The following ATXN1 variants were observed in gnomAD, a reference collection of about 807,000 sequenced individuals.
The protein encoded by ATXN1 is ataxin-1.
A neutral mutation model predicts 56.4 loss-of-function variants in ATXN1; 8 were observed. That is an observed-to-expected ratio of 0.14 (90% confidence interval 0.08 to 0.26). The LOEUF (loss-of-function observed/expected upper bound fraction) is 0.26. Ranked by LOEUF, ATXN1 falls within the 10% of genes least tolerant of loss-of-function variation. The pLI is 1.00. For missense variants in ATXN1, 987 were observed against 1,106.5 expected (o/e 0.89, Z 1.53); for synonymous variants, 514 against 494.6 (o/e 1.04, Z -0.52).
At chr6:16,533,822 C>CT (rs1367201615) in intron 4 of ATXN1, among the ~76,000 whole-genome samples, 1 of 152,124 alleles carries the variant, frequency 6.6e-6, no homozygotes, top group African/African-American at 2.4e-5. Context: ...CGGCATAACA[C>CT]TTAACACCAT....
chr6:16,395,624 A>G (rs1758439662), intron 6 of ATXN1, among the ~76,000 whole-genome samples: 1 of 152,224 alleles, frequency 6.6e-6, no homozygotes, highest in Non-Finnish European at 1.5e-5. Context: ...ACAGTACATA[A>G]TAGTTGATAG....
chr6:16,345,560 G>A (rs983066521), intron 6 of ATXN1, among the ~76,000 whole-genome samples: 1 of 152,160 alleles, frequency 6.6e-6, no homozygotes, highest in Admixed American at 6.5e-5. Context: ...TTTAAAATTA[G>A]GGGTATGACT....
At chr6:16,676,165 G>A (rs1321490989) in intron 2 of ATXN1, among the ~76,000 whole-genome samples, 2 of 151,882 alleles carry the variant, frequency 1.3e-5, no homozygotes, top group East Asian at 3.8e-4. Context: ...TTTGCAATTC[G>A]ATGAAAAAAA....
chr6:16,631,589 C>A (rs1195795220), intron 3 of ATXN1, among the ~76,000 whole-genome samples: 1 of 152,190 alleles, frequency 6.6e-6, no homozygotes, highest in Non-Finnish European at 1.5e-5. Context: ...GAAATAAAGT[C>A]TCCAGGATAC....
intron 6 of ATXN1, among the ~76,000 whole-genome samples, chr6:16,381,067 G>A (rs978814876): frequency 6.6e-6 from 1 of 152,132 alleles, no homozygotes; most frequent in African/African-American, 2.4e-5. Flanking sequence ...CGAGGCAGGC[G>A]GATCATGAGG....
rs1170584415 is a variant in ATXN1 at position 16,327,088 on chromosome 6, G to C, written c.1223C>G (p.Ser408Cys). The change falls in exon 7 of 8, where the codon TCT (serine) becomes TGT (cysteine). Residue 408 changes from serine (S) to cysteine (C), a missense_variant. By Grantham distance (112) the Ser-to-Cys change is moderately radical. This residue lies in a region of ATXN1 where 723 missense variants were observed against 791.7 expected (regional missense o/e 0.91). Transcript: ENST00000436367. ...QQATHREASPSTLNDKSGLHL... is the reference protein window; with the variant it reads ...QQATHREASPCTLNDKSGLHL... ...CAGGCCACTTTTGTCGTTGAGGGTA[G>C]AAGGGGAGGCTTCACGATGAGTGGC... 3 of 1,613,744 alleles carry C rather than the reference G, an allele frequency of 1.9e-6. No individual in the cohort carries two copies. In the African/African-American group the frequency reaches 4.0e-5, roughly 22 times the overall value.
intron 4 of ATXN1, among the ~76,000 whole-genome samples, chr6:16,541,366 C>T (rs1311931210): frequency 6.6e-6 from 1 of 152,222 alleles, no homozygotes; most frequent in Non-Finnish European, 1.5e-5. Flanking sequence ...TCCTTCCACC[C>T]CAGCAGAGGG....
chr6:16,396,279 T>A (rs568770840), intron 6 of ATXN1, among the ~76,000 whole-genome samples: 1 of 152,020 alleles, frequency 6.6e-6, no homozygotes, highest in East Asian at 1.9e-4. Context: ...AAACTTTTTT[T>A]AATAAGAAAA....
At chr6:16,438,419 T>G (rs78399351) in intron 6 of ATXN1, among the ~76,000 whole-genome samples, 5,249 of 152,332 alleles carry the variant, frequency 0.034, 177 homozygotes, top group East Asian at 0.14. Flanking sequence ...TTACAACACA[T>G]AATAGGACAC....
intron 6 of ATXN1, among the ~76,000 whole-genome samples, chr6:16,331,660 C>T (rs991356211): frequency 6.6e-6 from 1 of 152,162 alleles, no homozygotes; most frequent in Non-Finnish European, 1.5e-5. Context: ...CAAGGCAGCA[C>T]TAGGGAAGAA....
intron 6 of ATXN1, among the ~76,000 whole-genome samples, chr6:16,390,680 T>TACACACACACACACACACACACA (rs60238072): frequency 9.5e-5 from 14 of 147,260 alleles, no homozygotes; most frequent in African/African-American, 3.5e-4. Flanking sequence ...AATAAACACA[T>TACACACACACACACACACACACA]CACACACACA....
chr6:16,367,999 T>C (rs191468771), intron 6 of ATXN1, among the ~76,000 whole-genome samples: 38 of 152,068 alleles, frequency 2.5e-4, no homozygotes, highest in Admixed American at 1.6e-3. Flanking sequence ...AAACCCTGTC[T>C]CTACTAAAAA....
intron 2 of ATXN1, among the ~76,000 whole-genome samples, chr6:16,731,454 CTTTTTTTTTTTTTTTTT>C (rs71559655): frequency 3.7e-5 from 3 of 81,794 alleles, no homozygotes; most frequent in African/African-American, 1.2e-4. Context: ...TTTTTCTTTT[CTTTTTTTTTTTTTTTTT>C]TTTTTTTTTT....
At chr6:16,691,473 T>C (rs1759045836) in intron 2 of ATXN1, among the ~76,000 whole-genome samples, 1 of 152,214 alleles carries the variant, frequency 6.6e-6, no homozygotes, top group African/African-American at 2.4e-5. Flanking sequence ...TTGAGAGTTT[T>C]TTGTATTTAT....
chr6:16,520,447 C>T (rs1038338767), intron 5 of ATXN1, among the ~76,000 whole-genome samples: 2 of 152,114 alleles, frequency 1.3e-5, no homozygotes, highest in Non-Finnish European at 2.9e-5. Flanking sequence ...CCAAAGTAGC[C>T]ACAAGTGGTC....
At chr6:16,498,348 T>C (rs930044248) in intron 5 of ATXN1, among the ~76,000 whole-genome samples, 15 of 152,238 alleles carry the variant, frequency 9.9e-5, no homozygotes, top group Non-Finnish European at 2.2e-4. Flanking sequence ...TCAATAATAC[T>C]CTATTGTAGG....
chr6:16,554,148 C>T (rs1027301598), intron 4 of ATXN1, among the ~76,000 whole-genome samples: 6 of 152,090 alleles, frequency 3.9e-5, no homozygotes, highest in African/African-American at 1.2e-4. Flanking sequence ...ATGATGTAAT[C>T]GAGGGACAAA....
intron 4 of ATXN1, among the ~76,000 whole-genome samples, chr6:16,544,703 C>T (rs953526891): frequency 1.2e-4 from 18 of 152,166 alleles, no homozygotes; most frequent in African/African-American, 4.3e-4. Context: ...CAGATGTGAG[C>T]AGCAGCGACC....
intron 4 of ATXN1, among the ~76,000 whole-genome samples, chr6:16,546,071 T>C (rs1761809123): frequency 6.6e-6 from 1 of 152,146 alleles, no homozygotes. Context: ...CTGCTGTTCC[T>C]GAGAAATGAG....
Sources: allele counts gnomAD v4.1 joint callset (sites outside exome capture counted in the v4.1 genomes callset), GRCh38; gene constraint gnomAD v4.1.1; regional missense constraint gnomAD v4.1.1; transcripts MANE v1.5; gene names NCBI Gene and HGNC (gene_info 2026-07-23, HGNC 2026-07-21).